The following PTPRD variants were observed in gnomAD, a reference collection of about 807,000 sequenced individuals.
The protein encoded by PTPRD is protein tyrosine phosphatase receptor type D.
In PTPRD, 34 loss-of-function variants were observed where a neutral mutation model predicts 214.5. The ratio of observed to expected loss-of-function variants is 0.16; its 90% CI spans 0.12 to 0.21. PTPRD has a LOEUF of 0.21. Ranked by LOEUF, PTPRD falls within the 10% of genes least tolerant of loss-of-function variation. The probability of loss-of-function intolerance (pLI) is 1.00; values close to 1 mark genes in which losing one functional copy is unlikely to be tolerated. For synonymous variants in PTPRD, 1,128 were observed against 845.7 expected (o/e 1.33, Z -5.79); for missense variants, 2,545 against 2,398.7 (o/e 1.06, Z -1.27).
chr9:8,833,715 T>TACACACACAC (rs1177957119), intron 11 of PTPRD, among the ~76,000 whole-genome samples: 10 of 133,716 alleles, frequency 7.5e-5, no homozygotes, highest in African/African-American at 2.8e-4. Flanking sequence ...TATATATATA[T>TACACACACAC]ACACACACAC....
chr9:10,457,783 G>C (rs2098929358), intron 2 of PTPRD, among the ~76,000 whole-genome samples: 1 of 152,002 alleles, frequency 6.6e-6, no homozygotes, highest in South Asian at 2.1e-4. Context: ...GGTGTGTTGT[G>C]CTACTTCATT....
intron 10 of PTPRD, among the ~76,000 whole-genome samples, chr9:9,104,133 T>C (rs1245591191): frequency 6.6e-6 from 1 of 152,186 alleles, no homozygotes; most frequent in Non-Finnish European, 1.5e-5. Flanking sequence ...GACTAAATAG[T>C]AGATACTTTA....
At chr9:9,761,141 C>G (rs2098652017) in intron 6 of PTPRD, among the ~76,000 whole-genome samples, 1 of 152,144 alleles carries the variant, frequency 6.6e-6, no homozygotes, top group Non-Finnish European at 1.5e-5. Flanking sequence ...CTGGAATCAG[C>G]CCAGGTGTCT....
At chr9:10,206,715 T>C (rs886989327) in intron 3 of PTPRD, among the ~76,000 whole-genome samples, 1 of 152,228 alleles carries the variant, frequency 6.6e-6, no homozygotes, top group Non-Finnish European at 1.5e-5. Context: ...GATATCTAGA[T>C]GGTGTTATCC....
intron 9 of PTPRD, among the ~76,000 whole-genome samples, chr9:9,255,899 C>T (rs2099977506): frequency 6.6e-6 from 1 of 151,982 alleles, no homozygotes; most frequent in South Asian, 2.1e-4. Flanking sequence ...ATGTTCAAAC[C>T]TCTGATTCAA....
intron 30 of PTPRD, among the ~76,000 whole-genome samples, chr9:8,482,544 T>G (rs551212952): frequency 6.6e-6 from 1 of 152,244 alleles, no homozygotes; most frequent in East Asian, 1.9e-4. Flanking sequence ...GGGTGTGAGA[T>G]AGAAGAAATG....
At chr9:8,852,069 A>C (rs1331956953) in intron 11 of PTPRD, among the ~76,000 whole-genome samples, 1 of 152,176 alleles carries the variant, frequency 6.6e-6, no homozygotes, top group Admixed American at 6.5e-5. Context: ...TTAAAAAAAA[A>C]AAGATGTCTC....
intron 2 of PTPRD, among the ~76,000 whole-genome samples, chr9:10,561,955 TTGTATTAC>T (rs1408800184): frequency 6.6e-6 from 1 of 152,190 alleles, no homozygotes; most frequent in Admixed American, 6.6e-5. Flanking sequence ...ATGCCTTTAA[TTGTATTAC>T]TGCTCTTATT....
chr9:9,264,124 T>G (rs543539258), intron 9 of PTPRD, among the ~76,000 whole-genome samples: 1 of 151,742 alleles, frequency 6.6e-6, no homozygotes, highest in East Asian at 2.0e-4. Context: ...AAGGATTTAA[T>G]GCAAAAACTT....
intron 34 of PTPRD, among the ~76,000 whole-genome samples, chr9:8,446,785 C>T (rs372487527): frequency 3.3e-5 from 5 of 152,228 alleles, no homozygotes; most frequent in South Asian, 4.2e-4. Context: ...CATGCAACAC[C>T]TAATGAAGGA....
At chr9:9,740,384 G>A (rs1376289835) in intron 6 of PTPRD, among the ~76,000 whole-genome samples, 3 of 145,758 alleles carry the variant, frequency 2.1e-5, no homozygotes, top group Non-Finnish European at 3.0e-5. Flanking sequence ...TGGAGATGGA[G>A]TCTCGCTCTG....
At chr9:8,590,091 T>C (rs1469447444) in intron 14 of PTPRD, among the ~76,000 whole-genome samples, 2 of 152,084 alleles carry the variant, frequency 1.3e-5, no homozygotes, top group Admixed American at 6.6e-5. Flanking sequence ...GGTACATAGA[T>C]ATTATATCTA....
intron 11 of PTPRD, among the ~76,000 whole-genome samples, chr9:8,869,134 G>A (rs1442428198): frequency 6.6e-6 from 1 of 152,146 alleles, no homozygotes; most frequent in Admixed American, 6.6e-5. Context: ...ATTGAAACTA[G>A]TCTTGATTCT....
chr9:9,338,937 G>C (rs1413473452), intron 9 of PTPRD, among the ~76,000 whole-genome samples: 1 of 152,044 alleles, frequency 6.6e-6, no homozygotes, highest in Non-Finnish European at 1.5e-5. Context: ...CTATCAAAGA[G>C]TGGCCAAAAA....
chr9:9,848,648 G>A (rs528184236), intron 5 of PTPRD, among the ~76,000 whole-genome samples: 1 of 152,054 alleles, frequency 6.6e-6, no homozygotes, highest in South Asian at 2.1e-4. Context: ...TATGTATTCA[G>A]TAACACATGT....
At chr9:10,564,604 C>A (rs1311721079) in intron 2 of PTPRD, among the ~76,000 whole-genome samples, 2 of 152,036 alleles carry the variant, frequency 1.3e-5, no homozygotes, top group African/African-American at 4.8e-5. Flanking sequence ...GGCAACATCC[C>A]TGTTGAATCC....
chr9:8,595,923 T>C (rs1352153101), intron 14 of PTPRD, among the ~76,000 whole-genome samples: 1 of 152,194 alleles, frequency 6.6e-6, no homozygotes, highest in Non-Finnish European at 1.5e-5. Context: ...CCACAACAGA[T>C]GCAATTCTAT....
intron 14 of PTPRD, among the ~76,000 whole-genome samples, chr9:8,566,396 C>A (rs1234984542): frequency 1.3e-5 from 2 of 152,254 alleles, no homozygotes; most frequent in African/African-American, 2.4e-5. Context: ...GGAGTTACAT[C>A]CCTTATTTGG....
intron 11 of PTPRD, among the ~76,000 whole-genome samples, chr9:8,986,317 T>G (rs1164153098): frequency 2.6e-5 from 4 of 152,010 alleles, no homozygotes; most frequent in South Asian, 2.1e-4. Context: ...TTTTTATTTA[T>G]GGAAGTGATG....
Sources: gnomAD v4.1 joint callset for allele counts (sites outside exome capture counted in the v4.1 genomes callset) on GRCh38, gnomAD v4.1.1 for gene constraint, MANE v1.5 for transcripts, NCBI Gene and HGNC (gene_info 2026-07-23, HGNC 2026-07-21) for gene names.